Variants in PRKAR1B observed in about 807,000 individuals in gnomAD.
PRKAR1B encodes protein kinase cAMP-dependent type I regulatory subunit beta, also known as cAMP-dependent protein kinase type I-beta regulatory subunit.
In PRKAR1B, 22 loss-of-function variants were observed where a neutral mutation model predicts 46.5. The ratio of observed to expected loss-of-function variants is 0.47; its 90% CI spans 0.34 to 0.68. The LOEUF (loss-of-function observed/expected upper bound fraction) is 0.68, where lower values mean the gene tolerates loss of function less well. Ranked by LOEUF, PRKAR1B falls within the 30% of genes least tolerant of loss-of-function variation. The pLI, the probability that PRKAR1B is intolerant of heterozygous loss-of-function variation, is 0.01. For missense variants in PRKAR1B, 445 were observed against 535.6 expected, an observed-to-expected ratio of 0.83 and a Z score of 1.67; for synonymous variants, 259 against 217.7, an observed-to-expected ratio of 1.19 and a Z score of -1.67.
At chr7:669,278 T>A (rs961612174) in intron 4 of PRKAR1B, among the ~76,000 whole-genome samples, 1 of 152,158 alleles carries the variant, frequency 6.6e-6, no homozygotes, top group Non-Finnish European at 1.5e-5. Context: ...ACATGAAATA[T>A]TTAGAATAGG....
intron 4 of PRKAR1B, among the ~76,000 whole-genome samples, chr7:649,170 A>G (rs997320474): frequency 3.9e-5 from 6 of 152,222 alleles, no homozygotes; most frequent in African/African-American, 1.4e-4. Context: ...TCTCAAAATA[A>G]ATAAATAAAT....
rs1323006780 is a variant in PRKAR1B, at chr7:549,954, A to G, written c.*476T>C. On this transcript the variant is annotated 3_prime_UTR_variant, in exon 11 of 11. Coordinates refer to ENST00000537384, the MANE Select transcript of PRKAR1B (RefSeq NM_001164760.2). ...GAGGGGCCTTGACTTCTTCGGCCTC[A>G]ACTCCCTGCTCTCAGCCTCATCTCC... 1 of 162,170 alleles carries G rather than the reference A, an allele frequency of 6.2e-6. No homozygotes were observed. The highest frequency in any genetic ancestry group is 5.8e-5 in the Admixed American group (1 of 17,258). The allele number at this position is 162,170 out of a possible 1,614,324, so 10.0% of individuals were successfully genotyped here. A position where few individuals can be genotyped will look rare whatever the true frequency, so the allele number is the denominator to read the frequency against.
intron 4 of PRKAR1B, among the ~76,000 whole-genome samples, chr7:652,194 G>T (rs1435556219): frequency 1.3e-4 from 6 of 46,576 alleles, no homozygotes; most frequent in East Asian, 1.5e-3. Context: ...GTTCACACCC[G>T]CACAGCGCTA....
At chr7:678,698 C>T (rs984511092) in intron 3 of PRKAR1B, among the ~76,000 whole-genome samples, 1 of 152,270 alleles carries the variant, frequency 6.6e-6, no homozygotes, top group African/African-American at 2.4e-5. Context: ...CTTAGGTGTG[C>T]TGCGTGTAAC....
intron 4 of PRKAR1B, among the ~76,000 whole-genome samples, chr7:645,574 C>G (rs899872119): frequency 6.6e-6 from 1 of 152,170 alleles, no homozygotes; most frequent in Non-Finnish European, 1.5e-5. Context: ...ATCACTCAAG[C>G]CTGGGAGGTC....
At chr7:654,063 A>G (rs557682936) in intron 4 of PRKAR1B, among the ~76,000 whole-genome samples, 51 of 149,644 alleles carry the variant, frequency 3.4e-4, no homozygotes, top group African/African-American at 1.1e-3. Context: ...CACAATCACC[A>G]TCTTCATCAC....
intron 2 of PRKAR1B, among the ~76,000 whole-genome samples, chr7:701,342 A>AAAAGAAAG (rs142408909): frequency 8.1e-6 from 1 of 123,752 alleles, no homozygotes; most frequent in Non-Finnish European, 2.0e-5. Context: ...AAAGAAAAGA[A>AAAAGAAAG]AAAGAAAGAA....
At chr7:688,348 G>A (rs1166885023) in intron 2 of PRKAR1B, among the ~76,000 whole-genome samples, 2 of 151,228 alleles carry the variant, frequency 1.3e-5, no homozygotes, top group African/African-American at 4.9e-5. Context: ...AGGTTGCGGT[G>A]AGCCAAGATT....
At chr7:665,464 T>C (rs1020296698) in intron 4 of PRKAR1B, among the ~76,000 whole-genome samples, 1 of 152,160 alleles carries the variant, frequency 6.6e-6, no homozygotes, top group African/African-American at 2.4e-5. Context: ...GCATACATCA[T>C]CTGATGCAAG....
At chr7:728,080 G>A (rs1347781006), upstream of PRKAR1B, among the ~76,000 whole-genome samples, 1 of 152,152 alleles carries the variant, frequency 6.6e-6, no homozygotes, top group Admixed American at 6.5e-5. Context: ...CTAAGTGGAA[G>A]GAGGCCGCTT....
chr7:661,556 C>A (rs1161881722), intron 4 of PRKAR1B, among the ~76,000 whole-genome samples: 8 of 54,430 alleles, frequency 1.5e-4, no homozygotes, highest in Non-Finnish European at 2.2e-4. Flanking sequence ...ACTCTCCCCC[C>A]CATGGCACAG....
rs376485407 is a variant in PRKAR1B at position 551,464 on chromosome 7, C to T, written c.898G>A (p.Ala300Thr). 101 of 1,554,346 alleles carry T rather than the reference C, an allele frequency of 6.5e-5. No individual in the cohort carries two copies. Among genetic ancestry groups the T allele is most frequent in the Middle Eastern group, 1.8e-4 (1 of 5,662 alleles). Reference protein sequence around the residue: ...DDFYIITEGTASVLQRRSPNE... With the variant: ...DDFYIITEGTTSVLQRRSPNE... ...GGGGACCGGCGCTGCAGCACGGACG[C>T]GGTGCCCTGTGGGTGGAGGTGGACA... is the stretch of plus-strand genomic sequence containing the variant. Residue 300 changes from alanine to threonine, a missense_variant, in exon 10 of 11, where the codon GCG (alanine) becomes ACG (threonine). By Grantham distance (58) the Ala-to-Thr change is moderately conservative. Transcript: ENST00000537384.
At chr7:637,222 G>A (rs1413916790) in intron 4 of PRKAR1B, among the ~76,000 whole-genome samples, 4 of 152,060 alleles carry the variant, frequency 2.6e-5, no homozygotes, top group African/African-American at 9.7e-5. Context: ...CGGAGGCAGA[G>A]GTCTAGCCTA....
intron 9 of PRKAR1B, among the ~76,000 whole-genome samples, chr7:553,859 A>G (rs923567861): frequency 1.6e-4 from 25 of 152,222 alleles, no homozygotes; most frequent in Admixed American, 1.6e-3. Context: ...CCGTGGGGCC[A>G]CTCGGCTCCC....
intron 4 of PRKAR1B, among the ~76,000 whole-genome samples, chr7:652,501 C>T (rs1293025044): frequency 1.3e-5 from 2 of 151,816 alleles, no homozygotes; most frequent in East Asian, 1.9e-4. Flanking sequence ...TTCACACCCA[C>T]ACAGTGCTAG....
At chr7:641,762 T>A (rs891066024) in intron 4 of PRKAR1B, among the ~76,000 whole-genome samples, 1 of 152,158 alleles carries the variant, frequency 6.6e-6, no homozygotes, top group Non-Finnish European at 1.5e-5. Flanking sequence ...ATGTGTTTAT[T>A]TACTTATTAT....
intron 4 of PRKAR1B, among the ~76,000 whole-genome samples, chr7:658,814 C>T (rs1410617932): frequency 1.3e-5 from 2 of 151,990 alleles, no homozygotes; most frequent in African/African-American, 2.4e-5. Context: ...TCATGCCAGG[C>T]TAATTTTTGT....
Position 680,586 on chromosome 7 carries a change from G to T in PRKAR1B, c.318C>A (p.Thr106=). ...TGACGTAGGACACGGCGTCCTCCTCGGTGTACACCTCGGCACTCACGCCTC... is the reference window on the plus strand; with the variant it reads ...TGACGTAGGACACGGCGTCCTCCTCTGTGTACACCTCGGCACTCACGCCTC... ...RRGGVSAEVY[T]EEDAVSYVRK... is the part of the protein sequence containing the mutation. Residue 106 remains threonine (T), a synonymous_variant, in exon 3 of 11, where the codon ACC becomes ACA. Transcript: ENST00000537384. The T allele has an allele frequency of 6.2e-7, 1 of 1,612,124 alleles. No homozygotes were observed.
chr7:632,063 C>T (rs941093404), intron 4 of PRKAR1B, among the ~76,000 whole-genome samples: 18 of 152,300 alleles, frequency 1.2e-4, no homozygotes, highest in African/African-American at 3.8e-4. Flanking sequence ...GTGTAGCCCC[C>T]AGGAAGACCG....
Sources: gnomAD v4.1 joint callset for allele counts (sites outside exome capture counted in the v4.1 genomes callset) on GRCh38, gnomAD v4.1.1 for gene constraint, MANE v1.5 for transcripts, NCBI Gene and HGNC (gene_info 2026-07-23, HGNC 2026-07-21) for gene names.